ZNF407: variants seen among roughly 807,000 people sequenced by gnomAD.
The protein encoded by ZNF407 is zinc finger protein 407.
ZNF407 carries 17 observed loss-of-function variants against 131.2 expected under a neutral mutation model. That is an observed-to-expected ratio of 0.13 (90% CI 0.09 to 0.19). ZNF407 has a LOEUF of 0.19. Ranked by LOEUF, ZNF407 falls within the 10% of genes least tolerant of loss-of-function variation. The pLI is 1.00. For synonymous variants in ZNF407, 1,156 were observed against 1,062.0 expected (o/e 1.09, Z -1.72); for missense variants, 2,681 against 2,830.6 (o/e 0.95, Z 1.20).
At chr18:74,755,763 TTCTTTCTTTCTC>T (rs1568199849) in intron 3 of ZNF407, among the ~76,000 whole-genome samples, 2 of 127,172 alleles carry the variant, frequency 1.6e-5, no homozygotes, top group East Asian at 4.4e-4. Context: ...CTTTCTTTCT[TTCTTTCTTTCTC>T]TCTCTCTCTT....
intron 4 of ZNF407, among the ~76,000 whole-genome samples, chr18:74,846,815 A>C (rs1970709653): frequency 6.6e-6 from 1 of 151,788 alleles, no homozygotes; most frequent in African/African-American, 2.4e-5. Context: ...AACATGGTGA[A>C]ACACTGCCTT....
chr18:74,790,517 C>T (rs1314323491), intron 4 of ZNF407, among the ~76,000 whole-genome samples: 1 of 152,196 alleles, frequency 6.6e-6, no homozygotes, highest in Non-Finnish European at 1.5e-5. Flanking sequence ...TTTTCTTCAG[C>T]TGGCATCTAG....
intron 2 of ZNF407, among the ~76,000 whole-genome samples, chr18:74,638,498 G>T (rs1984563327): frequency 6.6e-6 from 1 of 152,170 alleles, no homozygotes; most frequent in African/African-American, 2.4e-5. Context: ...CTTTCATTTG[G>T]TATTTTCTCT....
At chr18:74,723,856 C>T (rs941229306) in intron 3 of ZNF407, among the ~76,000 whole-genome samples, 1 of 144,188 alleles carries the variant, frequency 6.9e-6, no homozygotes, top group Admixed American at 7.4e-5. Context: ...TCCCAACCTC[C>T]AGCTTTTGTT....
At chr18:74,992,386 G>A (rs1452742847) in intron 8 of ZNF407, among the ~76,000 whole-genome samples, 1 of 152,166 alleles carries the variant, frequency 6.6e-6, no homozygotes, top group Non-Finnish European at 1.5e-5. Context: ...GGCCTTGTTG[G>A]GATGGAGACA....
At chr18:75,020,392 C>A (rs905377247) in intron 8 of ZNF407, among the ~76,000 whole-genome samples, 1 of 151,902 alleles carries the variant, frequency 6.6e-6, no homozygotes, top group Non-Finnish European at 1.5e-5. Flanking sequence ...TCCACTTAGG[C>A]TCACGGAAGG....
intron 4 of ZNF407, among the ~76,000 whole-genome samples, chr18:74,790,955 T>C (rs1301896215): frequency 6.6e-6 from 1 of 152,198 alleles, no homozygotes; most frequent in Admixed American, 6.5e-5. Flanking sequence ...TTTACATAGG[T>C]TATTTCTACA....
intron 7 of ZNF407, among the ~76,000 whole-genome samples, chr18:74,910,845 G>A (rs889560484): frequency 2.6e-5 from 4 of 151,990 alleles, no homozygotes; most frequent in African/African-American, 9.7e-5. Flanking sequence ...TAATGAACGG[G>A]TGGGCTTTCC....
At chr18:74,836,147 A>G (rs1970556663) in intron 4 of ZNF407, among the ~76,000 whole-genome samples, 1 of 152,180 alleles carries the variant, frequency 6.6e-6, no homozygotes, top group Non-Finnish European at 1.5e-5. Context: ...CTTAAAGAAA[A>G]TATTTAGTCA....
At chr18:74,637,234 G>A (rs1984504472) in intron 2 of ZNF407, among the ~76,000 whole-genome samples, 1 of 152,300 alleles carries the variant, frequency 6.6e-6, no homozygotes, top group African/African-American at 2.4e-5. Flanking sequence ...TGTGTTGATA[G>A]CTGATCATTC....
intron 1 of ZNF407, among the ~76,000 whole-genome samples, chr18:74,620,887 G>A (rs1400885756): frequency 6.6e-6 from 1 of 152,120 alleles, no homozygotes; most frequent in Non-Finnish European, 1.5e-5. Context: ...TAGGTTTGGG[G>A]TTATGGCTGT....
At chr18:74,608,636 C>T (rs1982916350) in intron 1 of ZNF407, among the ~76,000 whole-genome samples, 2 of 152,130 alleles carry the variant, frequency 1.3e-5, no homozygotes, top group Non-Finnish European at 2.9e-5. Context: ...TGTAAGCCAC[C>T]GCGCCTGGCC....
chr18:74,750,109 A>G (rs75793639), intron 3 of ZNF407, among the ~76,000 whole-genome samples: 3 of 152,074 alleles, frequency 2.0e-5, no homozygotes, highest in Non-Finnish European at 2.9e-5. Flanking sequence ...ATTTTCTCAC[A>G]CTTTTCTTCT....
At chr18:74,832,683 T>TA (rs1388390159) in intron 4 of ZNF407, among the ~76,000 whole-genome samples, 1 of 152,184 alleles carries the variant, frequency 6.6e-6, no homozygotes, top group Non-Finnish European at 1.5e-5. Flanking sequence ...TTTTGAATCT[T>TA]ACAGTTGTAG....
intron 3 of ZNF407, among the ~76,000 whole-genome samples, chr18:74,755,771 T>TTCTTTCTTTCTTTCTTTCTC (rs1265035731): frequency 7.6e-4 from 99 of 130,544 alleles, no homozygotes; most frequent in East Asian, 1.6e-3. Context: ...CTTTCTTTCT[T>TTCTTTCTTTCTTTCTTTCTC]TCTCTCTCTC....
chr18:74,662,926 T>G (rs2144734343), intron 3 of ZNF407, among the ~76,000 whole-genome samples: 2 of 152,352 alleles, frequency 1.3e-5, no homozygotes, highest in Admixed American at 1.3e-4. Flanking sequence ...TGTGTGAGTA[T>G]GCCGCATCAA....
rs1393771000 is a variant in ZNF407, at chr18:74,633,506, AGAT to A, written c.2493_2495del (p.Asp831del). ...TGTCACAGTCTGGTGGTAGCACCAA[AGAT>A]GATGAATTAGCTTCAACCACTACTC... is the stretch of plus-strand genomic sequence containing the variant. On this transcript the variant is annotated inframe_deletion, in exon 2 of 9. Coordinates refer to ENST00000299687, the MANE Select transcript of ZNF407 (RefSeq NM_017757.3). 25 of 1,614,028 alleles carry A rather than the reference AGAT, an allele frequency of 1.5e-5. No homozygotes were observed. The highest frequency in any genetic ancestry group is 2.0e-5 in the Non-Finnish European group (24 of 1,179,890).
At chr18:74,781,971 A>G (rs1286835135) in intron 4 of ZNF407, among the ~76,000 whole-genome samples, 1 of 152,208 alleles carries the variant, frequency 6.6e-6, no homozygotes, top group East Asian at 1.9e-4. Context: ...CATGTCATGA[A>G]AAATAACACT....
intron 7 of ZNF407, among the ~76,000 whole-genome samples, chr18:74,895,432 C>G (rs951066621): frequency 4.6e-5 from 7 of 152,026 alleles, no homozygotes; most frequent in African/African-American, 1.7e-4. Context: ...TTCTTTACCA[C>G]CATTTGATAT....
Sources: gnomAD v4.1 joint callset for allele counts (sites outside exome capture counted in the v4.1 genomes callset) on GRCh38, gnomAD v4.1.1 for gene constraint, MANE v1.5 for transcripts, NCBI Gene and HGNC (gene_info 2026-07-23, HGNC 2026-07-21) for gene names.